Variants in SRPK2 observed in about 807,000 individuals in gnomAD.
SRPK2 encodes the protein SRSF protein kinase 2.
A neutral mutation model predicts 90.8 loss-of-function variants in SRPK2; 21 were observed. That is an observed-to-expected ratio of 0.23 (90% CI 0.16 to 0.33). The LOEUF (loss-of-function observed/expected upper bound fraction) is 0.33, where lower values mean the gene tolerates loss of function less well. SRPK2 is among the 10% of genes least tolerant of loss of function. The probability of loss-of-function intolerance (pLI) is 1.00; values close to 1 mark genes in which losing one functional copy is unlikely to be tolerated. For synonymous variants in SRPK2, 288 were observed against 311.1 expected, an observed-to-expected ratio of 0.93 and a Z score of 0.78; for missense variants, 620 against 869.0, an observed-to-expected ratio of 0.71 and a Z score of 3.60.
chr7:105,276,027 C>T (rs1288152832), intron 2 of SRPK2, among the ~76,000 whole-genome samples: 1 of 152,110 alleles, frequency 6.6e-6, no homozygotes, highest in Admixed American at 6.6e-5. Flanking sequence ...AAATTCTTTA[C>T]ATAATCATCC....
intron 11 of SRPK2, among the ~76,000 whole-genome samples, chr7:105,135,828 G>A (rs1281131810): frequency 6.6e-6 from 1 of 150,620 alleles, no homozygotes; most frequent in Non-Finnish European, 1.5e-5. Flanking sequence ...GCAGTGGCGC[G>A]ATCTCGGCTC....
chr7:105,389,207 G>A (rs1218671864), upstream of SRPK2: 6 of 1,163,688 alleles, frequency 5.2e-6, no homozygotes, highest in Admixed American at 4.2e-5. Flanking sequence ...GGACCCGCGG[G>A]ACCCTCCCTC....
chr7:105,315,142 C>T (rs965101793), intron 2 of SRPK2, among the ~76,000 whole-genome samples: 1 of 152,038 alleles, frequency 6.6e-6, no homozygotes. Context: ...TATAAAGGAG[C>T]CTAGAATGAT....
At chr7:105,292,497 C>CAAAAAAAAAAAAAA (rs397889533) in intron 2 of SRPK2, among the ~76,000 whole-genome samples, 1 of 74,806 alleles carries the variant, frequency 1.3e-5, no homozygotes, top group African/African-American at 5.2e-5. Flanking sequence ...GTAAGACTCT[C>CAAAAAAAAAAAAAA]AAAAAAAAAA....
At chr7:105,116,034 T>A (rs928593849), downstream of SRPK2, among the ~76,000 whole-genome samples, 6 of 152,182 alleles carry the variant, frequency 3.9e-5, no homozygotes, top group African/African-American at 1.4e-4. Context: ...TGTGATATAA[T>A]GGTAATTCCT....
At chr7:105,121,604 G>A (rs1800395239) in intron 15 of SRPK2, among the ~76,000 whole-genome samples, 1 of 152,166 alleles carries the variant, frequency 6.6e-6, no homozygotes, top group African/African-American at 2.4e-5. Context: ...AGCCAATTGT[G>A]TGGTCCCCAA....
intron 2 of SRPK2, among the ~76,000 whole-genome samples, chr7:105,376,237 TC>T: frequency 6.6e-6 from 1 of 151,908 alleles, no homozygotes; most frequent in South Asian, 2.1e-4. Flanking sequence ...GACCTTGTGA[TC>T]CGCCCGCCTT....
chr7:105,132,979 G>A (rs1422439482), intron 12 of SRPK2, 25 bp downstream of exon 12: 3 of 1,613,606 alleles, frequency 1.9e-6, no homozygotes, highest in African/African-American at 1.3e-5. Flanking sequence ...AAGACCAAAG[G>A]TTTTAGAAAG....
chr7:105,388,729 G>A (rs369530914), intron 1 of SRPK2, 27 bp from the exon 2 acceptor site: 5 of 1,561,370 alleles, frequency 3.2e-6, no homozygotes, highest in East Asian at 5.0e-5. Context: ...ACACATTAAC[G>A]GTCGGGCCGC....
At chr7:105,127,633 G>T (rs932074862) in intron 13 of SRPK2, among the ~76,000 whole-genome samples, 8 of 152,326 alleles carry the variant, frequency 5.3e-5, no homozygotes, top group Middle Eastern at 3.4e-3. Flanking sequence ...AGAGGAAGCA[G>T]ATGGTCTTGC....
chr7:105,148,923 T>G (rs1458320411), intron 7 of SRPK2, among the ~76,000 whole-genome samples: 1 of 152,226 alleles, frequency 6.6e-6, no homozygotes, highest in East Asian at 1.9e-4. Flanking sequence ...GTCATCGCCA[T>G]TCTCTAGTCT....
At position 105,131,108 on chromosome 7, in the gene SRPK2, G is replaced by A. The variant is rs149896093; in HGVS notation, c.1752+1683C>T. ...ATTAACCCACTACATCCGTGACTGCGTCCTATTTTTCTGGTTATATCACCA... is the reference window on the plus strand; with the variant it reads ...ATTAACCCACTACATCCGTGACTGCATCCTATTTTTCTGGTTATATCACCA... On this transcript the variant is annotated intron_variant, in intron 13 of 15. Coordinates refer to ENST00000393651, the MANE Select transcript of SRPK2 (RefSeq NM_182692.3). Among the ~76,000 whole-genome samples the A allele has an allele frequency of 5.3e-5, 8 of 152,310 alleles. No homozygotes were observed. In the East Asian group the frequency reaches 1.2e-3, roughly 22 times the overall value.
At chr7:105,325,728 C>T (rs1328246128) in intron 2 of SRPK2, among the ~76,000 whole-genome samples, 2 of 152,118 alleles carry the variant, frequency 1.3e-5, no homozygotes, top group Non-Finnish European at 2.9e-5. Context: ...GTAGTGCCTA[C>T]CTGTAGTCAC....
At chr7:105,294,269 C>G (rs189301160) in intron 2 of SRPK2, among the ~76,000 whole-genome samples, 2 of 152,316 alleles carry the variant, frequency 1.3e-5, no homozygotes, top group East Asian at 3.9e-4. Flanking sequence ...TCTCTTCGAG[C>G]TCTACTCAGT....
intron 2 of SRPK2, among the ~76,000 whole-genome samples, chr7:105,332,583 G>A (rs1814556349): frequency 6.6e-6 from 1 of 152,152 alleles, no homozygotes; most frequent in South Asian, 2.1e-4. Context: ...GGCCAACATG[G>A]TGAAACCCTA....
chr7:105,359,202 A>G (rs1242006114), intron 2 of SRPK2, among the ~76,000 whole-genome samples: 3 of 121,068 alleles, frequency 2.5e-5, no homozygotes, highest in African/African-American at 9.6e-5. Flanking sequence ...TCTATCACCC[A>G]GGCTGGAGTG....
intron 2 of SRPK2, among the ~76,000 whole-genome samples, chr7:105,264,039 G>A (rs1804700817): frequency 6.6e-6 from 1 of 152,112 alleles, no homozygotes; most frequent in African/African-American, 2.4e-5. Flanking sequence ...TTGCAACGGG[G>A]GGAGAAAGGG....
chr7:105,253,164 T>C (rs192974327), intron 2 of SRPK2, among the ~76,000 whole-genome samples: 152 of 152,330 alleles, frequency 1.0e-3, no homozygotes, highest in Middle Eastern at 3.4e-3. Context: ...CCTCTAACTA[T>C]GGTACTCCAT....
chr7:105,123,673 C>T (rs1025319817), intron 15 of SRPK2, among the ~76,000 whole-genome samples: 2 of 152,134 alleles, frequency 1.3e-5, no homozygotes, highest in East Asian at 1.9e-4. Flanking sequence ...TAAGAGACAA[C>T]GGTGAAATCT....
Sources: gnomAD v4.1 joint callset for allele counts (sites outside exome capture counted in the v4.1 genomes callset) on GRCh38, gnomAD v4.1.1 for gene constraint, MANE v1.5 for transcripts, NCBI Gene and HGNC (gene_info 2026-07-23, HGNC 2026-07-21) for gene names.